PCDHA7: variants seen among roughly 807,000 people sequenced by gnomAD.
The protein encoded by PCDHA7 is protocadherin alpha-7.
PCDHA7 carries 37 observed loss-of-function variants against 57.2 expected under a neutral mutation model. That is an observed-to-expected ratio of 0.65 (90% CI 0.50 to 0.85). The LOEUF (loss-of-function observed/expected upper bound fraction) is 0.85, where lower values mean the gene tolerates loss of function less well. Ranked by LOEUF, PCDHA7 falls within the 40% of genes least tolerant of loss-of-function variation. PCDHA7 has a pLI of 0.00. For synonymous variants in PCDHA7, 553 were observed against 558.8 expected (o/e 0.99, Z 0.15); for missense variants, 1,188 against 1,241.8 (o/e 0.96, Z 0.65).
At chr5:140,874,672 C>A (rs2055057233) in intron 1 of PCDHA7, among the ~76,000 whole-genome samples, 1 of 152,126 alleles carries the variant, frequency 6.6e-6, no homozygotes, top group South Asian at 2.1e-4. Flanking sequence ...GAATCTATTC[C>A]TGAGATTTGT....
In PCDHA7 at chr5:140,936,771, C is replaced by A. The variant is rs182480245; in HGVS notation, c.2356-42178C>A. Among the ~76,000 whole-genome samples, 20 of 152,230 alleles carry A rather than the reference C, an allele frequency of 1.3e-4. No individual in the cohort carries two copies. In the East Asian group the frequency reaches 3.5e-3, roughly 26 times the overall value. On this transcript the variant is annotated intron_variant, in intron 1 of 3. Coordinates refer to ENST00000525929, the MANE Select transcript of PCDHA7 (RefSeq NM_018910.3). ...GTATTGATATCTAATTGTGTAAGTT[C>A]TCTCACTTTGTTATTCTGCTTCAAG...
At chr5:140,873,963 T>G (rs1048862313) in intron 1 of PCDHA7, among the ~76,000 whole-genome samples, 2 of 152,206 alleles carry the variant, frequency 1.3e-5, no homozygotes, top group East Asian at 3.8e-4. Flanking sequence ...GCCCAGCCTA[T>G]TTTTTAAAAT....
chr5:140,835,526 C>T lies in PCDHA7; in HGVS notation c.1143C>T (p.Val381=). The T allele has an allele frequency of 6.2e-7, 1 of 1,613,946 alleles. No individual in the cohort carries two copies. The change falls in exon 1 of 4, where the codon GTC becomes GTT. Residue 381 remains valine, a synonymous_variant. Coordinates refer to ENST00000525929, the MANE Select transcript of PCDHA7 (RefSeq NM_018910.3). ...LISVFDRDFG[V]NGQVTCSLTP... Reference sequence around the variant, plus strand: ...GCGTGTTTGACCGAGATTTTGGAGTCAACGGACAGGTTACCTGCTCCCTGA... The same window carrying T: ...GCGTGTTTGACCGAGATTTTGGAGTTAACGGACAGGTTACCTGCTCCCTGA...
At chr5:140,969,382 TC>T in intron 1 of PCDHA7, 1 of 1,597,954 alleles carries the variant, frequency 6.3e-7, no homozygotes, top group Non-Finnish European at 8.5e-7. Flanking sequence ...TTGTTACACA[TC>T]CCCCAATATC....
chr5:140,863,264 C>T (rs1432032847), intron 1 of PCDHA7: 3 of 1,454,794 alleles, frequency 2.1e-6, no homozygotes, highest in Non-Finnish European at 1.9e-6. Context: ...GTCCGGGAGG[C>T]AGCGCTGGTG....
rs11350929 is a variant in PCDHA7, at chr5:140,972,660, ATTT to A, written c.2356-6269_2356-6267del. Among the ~76,000 whole-genome samples, 687 of 117,242 alleles carry A rather than the reference ATTT, an allele frequency of 5.9e-3. 9 individuals carry two copies. Among genetic ancestry groups the A allele is most frequent in the African/African-American group, 0.021 (630 of 30,162 alleles). 76.9% of individuals were successfully genotyped at this position (117,242 alleles called of 152,430 possible). A position where few individuals can be genotyped will look rare whatever the true frequency, so the allele number is the denominator to read the frequency against. On this transcript the variant is annotated intron_variant, in intron 1 of 3. Coordinates refer to ENST00000525929, the MANE Select transcript of PCDHA7 (RefSeq NM_018910.3). ...CAGAGTCTCCATAAAAAGAAACCAAATTTTTTTTTTTTTTTTTTTTTTGAGATG... is the reference window on the plus strand; with the variant it reads ...CAGAGTCTCCATAAAAAGAAACCAAATTTTTTTTTTTTTTTTTTTGAGATG...
intron 1 of PCDHA7, among the ~76,000 whole-genome samples, chr5:140,905,814 G>A (rs1303983123): frequency 6.6e-6 from 1 of 152,090 alleles, no homozygotes; most frequent in South Asian, 2.1e-4. Flanking sequence ...GAATTAATAG[G>A]CTAGATGTGT....
Position 140,857,251 on chromosome 5 carries a change from G to T in PCDHA7, c.2355+20513G>T, listed in dbSNP as rs1554149715. The T allele has an allele frequency of 1.9e-6, 3 of 1,598,606 alleles. No individual in the cohort carries two copies. In the Admixed American group the frequency reaches 5.1e-5, roughly 27 times the overall value. ...CGTTCAAGCTGGTGTCCACCTACAA[G>T]AATTACTACTCATTGGTGCTGGACA... is the stretch of plus-strand genomic sequence containing the variant. On this transcript the variant is annotated intron_variant, in intron 1 of 3. Coordinates refer to ENST00000525929, the MANE Select transcript of PCDHA7 (RefSeq NM_018910.3).
intron 1 of PCDHA7, chr5:140,841,287 A>C: frequency 1.3e-6 from 2 of 1,554,152 alleles, no homozygotes; most frequent in Non-Finnish European, 1.7e-6. Flanking sequence ...CTTTATATTA[A>C]GATAATATTT....
intron 1 of PCDHA7, among the ~76,000 whole-genome samples, chr5:140,962,827 C>T (rs1229108981): frequency 6.6e-6 from 1 of 152,164 alleles, no homozygotes; most frequent in East Asian, 1.9e-4. Flanking sequence ...GACCATTTGT[C>T]TCTTTTTTAT....
chr5:140,917,324 C>CGGGGGGGGGGGG (rs1299895515), intron 1 of PCDHA7, among the ~76,000 whole-genome samples: 1 of 76,120 alleles, frequency 1.3e-5, no homozygotes, highest in African/African-American at 4.3e-5. Context: ...GTTCATGTGG[C>CGGGGGGGGGGGG]GGGGGAGGGG....
At position 140,854,896 on chromosome 5, in the gene PCDHA7, G is replaced by A. The variant is rs181663374; in HGVS notation, c.2355+18158G>A. Among the ~76,000 whole-genome samples, 38 of 149,756 alleles carry A rather than the reference G, an allele frequency of 2.5e-4. 1 individual carries two copies. Among genetic ancestry groups the A allele is most frequent in the African/African-American group, 4.6e-4 (19 of 40,968 alleles). On this transcript the variant is annotated intron_variant, in intron 1 of 3. Coordinates refer to ENST00000525929, the MANE Select transcript of PCDHA7 (RefSeq NM_018910.3). ...TGTGTCTTTTGGGCATTTGAAAAGC[G>A]TAAATATAACAGGGTTGAAAGCATT...
chr5:140,983,399 G>C (rs1486206101), intron 3 of PCDHA7, among the ~76,000 whole-genome samples: 1 of 152,148 alleles, frequency 6.6e-6, no homozygotes, highest in East Asian at 1.9e-4. Context: ...TTTCAGAAAG[G>C]GAAGATTAAG....
intron 1 of PCDHA7, chr5:140,857,826 T>A (rs782420102): frequency 6.3e-7 from 1 of 1,597,464 alleles, no homozygotes; most frequent in South Asian, 1.1e-5. Context: ...GTGGCTAAGG[T>A]GCGCGCAGTG....
At position 140,851,049 on chromosome 5, in the gene PCDHA7, T is replaced by C. The variant is rs114642351; in HGVS notation, c.2355+14311T>C. 2.7e-3 allele frequency: 3,765 copies of C among 1,386,504 alleles called. 305 individuals are homozygous for C. The highest frequency in any genetic ancestry group is 3.1e-3 in the Non-Finnish European group (3,266 of 1,057,356). The allele number at this position is 1,386,504 out of a possible 1,614,324, so 85.9% of individuals were successfully genotyped here. On this transcript the variant is annotated intron_variant, in intron 1 of 3. Coordinates refer to ENST00000525929, the MANE Select transcript of PCDHA7 (RefSeq NM_018910.3). ...AACCCCTTAACATTGGAGCCGACTTTGTCTTGACTTCTAGTGAGAATTATA... is the reference window on the plus strand; with the variant it reads ...AACCCCTTAACATTGGAGCCGACTTCGTCTTGACTTCTAGTGAGAATTATA...
intron 1 of PCDHA7, among the ~76,000 whole-genome samples, chr5:140,891,246 AT>A (rs1213637493): frequency 2.0e-5 from 3 of 151,650 alleles, no homozygotes; most frequent in Non-Finnish European, 4.4e-5. Flanking sequence ...ATTCAGTAGG[AT>A]TTTTTTTAAT....
rs868991744 is a variant in PCDHA7, at chr5:140,897,794, G to C, written c.2355+61056G>C. ...CTTCCACAATGGTTGAACTAGTTTA[G>C]AGTCCCACCAACAGTGTAAAAGTGT... On this transcript the variant is annotated intron_variant, in intron 1 of 3. Coordinates refer to ENST00000525929, the MANE Select transcript of PCDHA7 (RefSeq NM_018910.3). 7.2e-4 allele frequency among the ~76,000 whole-genome samples: 109 copies of C among 152,066 alleles called. No homozygotes were observed. The South Asian group carries it at 0.011, about 15-fold the overall frequency.
intron 1 of PCDHA7, chr5:140,870,941 C>T: frequency 6.2e-7 from 1 of 1,613,712 alleles, no homozygotes; most frequent in Non-Finnish European, 8.5e-7. Context: ...TTGCAGCCGG[C>T]GGCGGGCGGC....
At chr5:140,888,222 G>T (rs956304839) in intron 1 of PCDHA7, among the ~76,000 whole-genome samples, 1 of 152,168 alleles carries the variant, frequency 6.6e-6, no homozygotes, top group African/African-American at 2.4e-5. Flanking sequence ...GTGTGTGTGT[G>T]CATGTGTGTG....
Sources: allele counts gnomAD v4.1 joint callset (sites outside exome capture counted in the v4.1 genomes callset), GRCh38; gene constraint gnomAD v4.1.1; transcripts MANE v1.5; gene names NCBI Gene and HGNC (gene_info 2026-07-23, HGNC 2026-07-21).